RAB4A: variants seen among roughly 807,000 people sequenced by gnomAD.
RAB4A encodes the protein ras-related protein Rab-4A.
In RAB4A, 20 loss-of-function variants were observed where a neutral mutation model predicts 34.5. The observed-to-expected ratio is 0.58, with a 90% CI of 0.41 to 0.84. The LOEUF (loss-of-function observed/expected upper bound fraction) is 0.84. Among genes scored for constraint, RAB4A ranks in the 40% least tolerant of loss-of-function variants. RAB4A has a pLI of 0.00. For missense variants in RAB4A, 228 were observed against 274.5 expected, an observed-to-expected ratio of 0.83 and a Z score of 1.20; for synonymous variants, 102 against 100.0, an observed-to-expected ratio of 1.02 and a Z score of -0.12.
intron 3 of RAB4A, among the ~76,000 whole-genome samples, chr1:229,291,605 T>C (rs1657087386): frequency 6.6e-6 from 1 of 152,190 alleles, no homozygotes; most frequent in African/African-American, 2.4e-5. Context: ...TTTTGAGTTT[T>C]CTGTTTGTTT....
intron 3 of RAB4A, 65 bp from the exon 4 acceptor site, chr1:229,295,783 T>A (rs1298783986): frequency 6.5e-7 from 1 of 1,529,232 alleles, no homozygotes; most frequent in South Asian, 1.1e-5. Context: ...TGTTTTTTCA[T>A]GGGAAAGTGG....
intron 1 of RAB4A, among the ~76,000 whole-genome samples, chr1:229,285,882 T>C (rs1656908776): frequency 6.6e-6 from 1 of 152,256 alleles, no homozygotes; most frequent in Admixed American, 6.5e-5. Flanking sequence ...AAATTAAATA[T>C]ATTACTATGT....
At chr1:229,287,268 A>G (rs1022863251) in intron 2 of RAB4A, among the ~76,000 whole-genome samples, 4 of 152,196 alleles carry the variant, frequency 2.6e-5, no homozygotes, top group Admixed American at 2.6e-4. Context: ...GGTGGGTAAA[A>G]AGGAGAAAGA....
chr1:229,292,571 C>T (rs1352736773), intron 3 of RAB4A, among the ~76,000 whole-genome samples: 1 of 152,262 alleles, frequency 6.6e-6, no homozygotes, highest in South Asian at 2.1e-4. Context: ...GTCCTTAAAG[C>T]GTGTGCCTCT....
At position 229,305,478 on chromosome 1, in the gene RAB4A, G is replaced by T. The variant is rs886526173; in HGVS notation, c.*1685G>T. On this transcript the variant is annotated 3_prime_UTR_variant, in exon 8 of 8. Transcript: ENST00000366690. ...ACCATATATCCTTCTGCATCCTTTGGCCAATAAAAGTTGCTGGAGAACCAA... is the reference window on the plus strand; with the variant it reads ...ACCATATATCCTTCTGCATCCTTTGTCCAATAAAAGTTGCTGGAGAACCAA... The T allele has an allele frequency of 9.9e-6, 5 of 505,450 alleles. No individual in the cohort carries two copies. The highest frequency in any genetic ancestry group is 1.3e-5 in the Non-Finnish European group (4 of 301,600). 31.3% of individuals were successfully genotyped at this position (505,450 alleles called of 1,614,324 possible).
rs1657513696 is a variant in RAB4A at position 229,304,951 on chromosome 1, T to TA, written c.*1161dup. 1 of 570,178 alleles carries TA rather than the reference T, an allele frequency of 1.8e-6. No homozygotes were observed. Among genetic ancestry groups the TA allele is most frequent in the East Asian group, 4.3e-5 (1 of 23,196 alleles). 35.3% of individuals were successfully genotyped at this position (570,178 alleles called of 1,614,324 possible). ...AAAAATATATGGTGGAACCTTTCTTTAAAGTTGAAATGCAGTATTATTTAA... is the reference window on the plus strand; with the variant it reads ...AAAAATATATGGTGGAACCTTTCTTTAAAAGTTGAAATGCAGTATTATTTAA... On this transcript the variant is annotated 3_prime_UTR_variant, in exon 8 of 8. Transcript: ENST00000366690.
rs1490991755 is a variant in RAB4A, at chr1:229,299,086, C to T, written c.541+14C>T. 1 of 1,558,198 alleles carries T rather than the reference C, an allele frequency of 6.4e-7. No homozygotes were observed. The highest frequency in any genetic ancestry group is 8.7e-7 in the Non-Finnish European group (1 of 1,143,398). ...AAATCGAATCAGGTAAAAGCCTTTC[C>T]ATTAAGCAACTTTTCTTCTGCATAT... On this transcript the variant is annotated intron_variant, in intron 6 of 7. Coordinates refer to ENST00000366690, the MANE Select transcript of RAB4A (RefSeq NM_004578.4).
intron 3 of RAB4A, among the ~76,000 whole-genome samples, chr1:229,294,566 G>A (rs1243860418): frequency 7.2e-5 from 11 of 152,228 alleles, no homozygotes; most frequent in East Asian, 1.9e-4. Flanking sequence ...GGGGCCACGC[G>A]TGGTGGCTCA....
At chr1:229,278,239 C>G (rs768378260) in intron 1 of RAB4A, among the ~76,000 whole-genome samples, 5 of 152,160 alleles carry the variant, frequency 3.3e-5, no homozygotes, top group Non-Finnish European at 5.9e-5. Context: ...CCTCGTCCTT[C>G]TTTTTCTTTC....
At position 229,297,483 on chromosome 1, in the gene RAB4A, C is replaced by T. The variant is rs768864729; in HGVS notation, c.292C>T (p.Arg98Ter). Residue 98 changes from arginine to a stop codon, truncating the protein, a stop_gained and splice_region_variant, in exon 5 of 8, where the codon CGA becomes TGA. Transcript: ENST00000366690. LOFTEE classifies it high-confidence loss of function. ...TTTTCACAATCTTATATTACGCAGC[C>T]GAGAAACCTACAATGCGCTTACTAA... ...GALLVYDITS[R>*]ETYNALTNWL... 9 of 1,589,442 alleles carry T rather than the reference C, an allele frequency of 5.7e-6. No individual in the cohort carries two copies. The East Asian group carries it at 1.3e-4, about 24-fold the overall frequency.
At chr1:229,292,096 A>T (rs237768) in intron 3 of RAB4A, among the ~76,000 whole-genome samples, 33,368 of 144,078 alleles carry the variant, frequency 0.23, 4,604 homozygotes, top group African/African-American at 0.37. Context: ...AGGGATAGCA[A>T]TGGGAGATAT....
At chr1:229,274,945 T>C (rs1656602525) in intron 1 of RAB4A, among the ~76,000 whole-genome samples, 1 of 152,200 alleles carries the variant, frequency 6.6e-6, no homozygotes, top group Non-Finnish European at 1.5e-5. Flanking sequence ...ACTCTTAATG[T>C]TTTTATTTTG....
Position 229,305,335 on chromosome 1 carries a change from T to C in RAB4A, c.*1542T>C. The C allele has an allele frequency of 6.4e-7, 1 of 1,559,050 alleles. No homozygotes were observed. Among genetic ancestry groups the C allele is most frequent in the Non-Finnish European group, 8.7e-7 (1 of 1,151,648 alleles). The stretch of plus-strand genomic sequence containing the variant: ...AAGCTGCTCATTTTTGAACAGCTTT[T>C]TGCATGGGATAGGAGCATGTCTATT... On this transcript the variant is annotated 3_prime_UTR_variant, in exon 8 of 8. Transcript: ENST00000366690.
At chr1:229,294,359 A>G (rs988684833) in intron 3 of RAB4A, among the ~76,000 whole-genome samples, 1 of 152,234 alleles carries the variant, frequency 6.6e-6, no homozygotes, top group African/African-American at 2.4e-5. Flanking sequence ...GTGGCTGGTG[A>G]GCGGGAGGAA....
intron 1 of RAB4A, among the ~76,000 whole-genome samples, chr1:229,275,348 G>A (rs1472097118): frequency 6.6e-6 from 1 of 152,182 alleles, no homozygotes; most frequent in Non-Finnish European, 1.5e-5. Flanking sequence ...AAGCTAGAGA[G>A]AGGCAAGGAG....
rs1657410193 is a variant in RAB4A, at chr1:229,302,278, TATATATATATA to T, written c.542-583_542-573del. Among the ~76,000 whole-genome samples the T allele has an allele frequency of 1.3e-4, 3 of 22,866 alleles. 1 individual carries two copies. Among genetic ancestry groups the T allele is most frequent in the Non-Finnish European group, 1.8e-4 (2 of 11,220 alleles). The allele number at this position is 22,866 out of a possible 152,430, so 15.0% of individuals were successfully genotyped here. The stretch of plus-strand genomic sequence containing the variant: ...ATAATTATATATATATATATATATA[TATATATATATA>T]TATATATATATATATATATATTTTT... On this transcript the variant is annotated intron_variant, in intron 6 of 7. Coordinates refer to ENST00000366690, the MANE Select transcript of RAB4A (RefSeq NM_004578.4).
chr1:229,273,534 G>C (rs561043891), intron 1 of RAB4A, among the ~76,000 whole-genome samples: 1 of 152,312 alleles, frequency 6.6e-6, no homozygotes, highest in African/African-American at 2.4e-5. Context: ...GAGCTCAGGA[G>C]TTCAATACCA....
At chr1:229,287,435 G>A (rs940095981) in intron 2 of RAB4A, among the ~76,000 whole-genome samples, 9 of 152,170 alleles carry the variant, frequency 5.9e-5, no homozygotes, top group African/African-American at 2.2e-4. Context: ...GGTCCTTACT[G>A]AATTTAACAA....
At chr1:229,294,121 C>T (rs1436357201) in intron 3 of RAB4A, among the ~76,000 whole-genome samples, 1 of 152,162 alleles carries the variant, frequency 6.6e-6, no homozygotes, top group East Asian at 1.9e-4. Context: ...CGTGGTGATG[C>T]CTCTTCCTAG....
Sources: allele counts gnomAD v4.1 joint callset (sites outside exome capture counted in the v4.1 genomes callset), GRCh38; gene constraint gnomAD v4.1.1; transcripts MANE v1.5; gene names NCBI Gene and HGNC (gene_info 2026-07-23, HGNC 2026-07-21).